The following NF1 variants were observed in gnomAD, a reference collection of about 807,000 sequenced individuals.
NF1 encodes neurofibromin 1.
In NF1, 122 loss-of-function variants were observed where a neutral mutation model predicts 325.7. The observed-to-expected ratio is 0.37, with a 90% CI of 0.32 to 0.44. The LOEUF is 0.44. Ranked by LOEUF, NF1 falls within the 20% of genes least tolerant of loss-of-function variation. NF1 has a pLI of 1.00. For missense variants in NF1, 2,140 were observed against 3,415.4 expected (o/e 0.63, Z 9.31); for synonymous variants, 1,091 against 1,186.0 (o/e 0.92, Z 1.65).
chr17:31,227,019 T>A (rs1414152473), intron 18 of NF1, among the ~76,000 whole-genome samples, 199 bp from the exon 19 acceptor site: 2 of 152,232 alleles, frequency 1.3e-5, no homozygotes, highest in African/African-American at 4.8e-5. Flanking sequence ...TAGGTGGGAA[T>A]AGCTATTTTA....
intron 3 of NF1, 102 bp from the exon 4 acceptor site, chr17:31,163,084 G>A: frequency 9.5e-7 from 1 of 1,055,490 alleles, no homozygotes; most frequent in Non-Finnish European, 1.4e-6. Flanking sequence ...TATGTAAGGT[G>A]TTCATTATTT....
At chr17:31,230,035 A>G (rs2151431018) in intron 22 of NF1, 61 bp downstream of exon 22, 1 of 1,580,464 alleles carries the variant, frequency 6.3e-7, no homozygotes, top group Non-Finnish European at 8.7e-7. Context: ...CCTCTTACAC[A>G]CTGATACTGG....
At chr17:31,158,433 A>G (rs555445024) in intron 2 of NF1, among the ~76,000 whole-genome samples, 19 of 152,270 alleles carry the variant, frequency 1.2e-4, no homozygotes, top group South Asian at 1.0e-3. Context: ...GCACATATGA[A>G]TATGTGGCTG....
chr17:31,326,612 A>C (rs1319346771), intron 37 of NF1, among the ~76,000 whole-genome samples: 2 of 152,106 alleles, frequency 1.3e-5, no homozygotes, highest in African/African-American at 4.8e-5. Flanking sequence ...GCGCCACTGC[A>C]CTCCAGCCTG....
At chr17:31,312,238 A>T (rs375634436) in intron 36 of NF1, among the ~76,000 whole-genome samples, 3 of 152,076 alleles carry the variant, frequency 2.0e-5, no homozygotes. Flanking sequence ...GACCAGGCGC[A>T]GTGGTTCCTG....
At chr17:31,099,505 G>A (rs774112208) in intron 1 of NF1, among the ~76,000 whole-genome samples, 20 of 151,422 alleles carry the variant, frequency 1.3e-4, no homozygotes, top group African/African-American at 4.6e-4. Flanking sequence ...ACCTGCCTTC[G>A]TGGTGCCAAA....
intron 57 of NF1, among the ~76,000 whole-genome samples, chr17:31,364,032 C>A (rs867233049): frequency 6.6e-6 from 1 of 152,212 alleles, no homozygotes; most frequent in Non-Finnish European, 1.5e-5. Flanking sequence ...TGAGCCACGG[C>A]GCTCAGCCAT....
In NF1 at chr17:31,356,717, ACT is replaced by A. The variant is rs1194839287; in HGVS notation, c.7738+138_7738+139del. 29 of 1,300,516 alleles carry A rather than the reference ACT, an allele frequency of 2.2e-5. No homozygotes were observed. In the Admixed American group the frequency reaches 6.4e-4, roughly 29 times the overall value. 80.6% of individuals were successfully genotyped at this position (1,300,516 alleles called of 1,614,324 possible). A position where few individuals can be genotyped will look rare whatever the true frequency, so the allele number is the denominator to read the frequency against. On this transcript the variant is annotated intron_variant, in intron 52 of 57. Transcript: ENST00000358273. ...ACGTTTGCCATTTCTCAAAAGATAA[ACT>A]CTACCATTCAAGACAGTTATCTTGA...
chr17:31,274,761 G>T (rs79934109), intron 36 of NF1, among the ~76,000 whole-genome samples: 2 of 103,042 alleles, frequency 1.9e-5, no homozygotes, highest in Admixed American at 2.0e-4. Flanking sequence ...AATAGTAATA[G>T]TAATGTTTCG....
At chr17:31,259,977 G>C (rs948721979) in intron 33 of NF1, among the ~76,000 whole-genome samples, 1 of 152,104 alleles carries the variant, frequency 6.6e-6, no homozygotes, top group African/African-American at 2.4e-5. Flanking sequence ...TTCATATTCT[G>C]GCACTCTGTG....
intron 48 of NF1, 21 bp downstream of exon 48, chr17:31,343,156 A>T: frequency 1.3e-6 from 2 of 1,594,096 alleles, no homozygotes; most frequent in Non-Finnish European, 1.7e-6. Context: ...CTTATTTAGA[A>T]TATTTTTATG....
In NF1 at chr17:31,181,424, A is replaced by G. The variant is rs1171626658; in HGVS notation, c.589A>G (p.Thr197Ala). The G allele has an allele frequency of 6.2e-7, 1 of 1,612,968 alleles. No homozygotes were observed. The highest frequency in any genetic ancestry group is 8.5e-7 in the Non-Finnish European group (1 of 1,179,412). ...TTTAAAAATTGTGTTTTTTCCAGAA[A>G]CAGCATTTAAATTTAAAGCCCTAAA... ...CAKLKRLLKETAFKFKALKKV... is the reference protein window; with the variant it reads ...CAKLKRLLKEAAFKFKALKKV... The change falls in exon 6 of 58, where the codon ACA (threonine) becomes GCA (alanine). Residue 197 changes from threonine to alanine, a missense_variant and splice_region_variant. Coordinates refer to ENST00000358273, the MANE Select transcript of NF1 (RefSeq NM_001042492.3).
chr17:31,214,033 A>G (rs1320765428), intron 12 of NF1, among the ~76,000 whole-genome samples: 1 of 152,154 alleles, frequency 6.6e-6, no homozygotes, highest in Non-Finnish European at 1.5e-5. Context: ...TGTAGAGTCT[A>G]TGAAATACTT....
chr17:31,134,539 A>G (rs959841048), intron 1 of NF1, among the ~76,000 whole-genome samples: 4 of 152,222 alleles, frequency 2.6e-5, no homozygotes, highest in Non-Finnish European at 4.4e-5. Context: ...TATCACATAA[A>G]GTTTCTGTCC....
intron 51 of NF1, chr17:31,356,220 T>A: frequency 1.1e-5 from 5 of 438,506 alleles, no homozygotes; most frequent in South Asian, 1.1e-4. Context: ...CAGAATACAA[T>A]CTCAGTTTAA....
intron 36 of NF1, among the ~76,000 whole-genome samples, chr17:31,306,428 A>G (rs1016889350): frequency 2.6e-5 from 4 of 152,262 alleles, no homozygotes; most frequent in African/African-American, 7.2e-5. Context: ...ATAGATATAA[A>G]TATCTCCCAC....
intron 36 of NF1, among the ~76,000 whole-genome samples, chr17:31,301,605 CT>C (rs1454318698): frequency 8.5e-5 from 13 of 152,122 alleles, no homozygotes; most frequent in Non-Finnish European, 8.8e-5. Flanking sequence ...AAATAGAAGA[CT>C]TATGTGATAT....
chr17:31,211,895 A>G lies in NF1; in HGVS notation c.1393-2556A>G, dbSNP rs750684885. 4.9e-4 allele frequency among the ~76,000 whole-genome samples: 75 copies of G among 152,154 alleles called. 1 individual carries two copies. Among genetic ancestry groups the G allele is most frequent in the Non-Finnish European group, 7.8e-4 (53 of 68,036 alleles). On this transcript the variant is annotated intron_variant, in intron 12 of 57. Coordinates refer to ENST00000358273, the MANE Select transcript of NF1 (RefSeq NM_001042492.3). ...ATTTTTTTAAATTTATTTTACTTTT[A>G]ATACTTTTGCATTTTTCTCATACTC...
At chr17:31,115,861 T>C (rs914712312) in intron 1 of NF1, among the ~76,000 whole-genome samples, 7 of 152,206 alleles carry the variant, frequency 4.6e-5, no homozygotes, top group African/African-American at 1.7e-4. Flanking sequence ...GACAAATTCT[T>C]GTCCCCTCCA....
Sources: allele counts gnomAD v4.1 joint callset (sites outside exome capture counted in the v4.1 genomes callset), GRCh38; gene constraint gnomAD v4.1.1; transcripts MANE v1.5; gene names NCBI Gene and HGNC (gene_info 2026-07-23, HGNC 2026-07-21).